ASAP1: variants seen among roughly 807,000 people sequenced by gnomAD.
ASAP1 encodes ArfGAP with SH3 domain, ankyrin repeat and PH domain 1, also known as arf-GAP with SH3 domain, ANK repeat and PH domain-containing protein 1.
Under a neutral mutation model 145.2 loss-of-function variants are expected in ASAP1, and 43 were observed. The ratio of observed to expected loss-of-function variants is 0.30; its 90% CI spans 0.23 to 0.38. The LOEUF (loss-of-function observed/expected upper bound fraction) is 0.38, where lower values mean the gene tolerates loss of function less well. Among genes scored for constraint, ASAP1 ranks in the 10% least tolerant of loss-of-function variants. ASAP1 has a pLI of 1.00. For missense variants in ASAP1, 1,018 were observed against 1,355.3 expected (o/e 0.75, Z 3.91); for synonymous variants, 546 against 515.5 (o/e 1.06, Z -0.80).
intron 4 of ASAP1, among the ~76,000 whole-genome samples, chr8:130,228,943 G>C (rs958188443): frequency 6.6e-6 from 1 of 152,036 alleles, no homozygotes; most frequent in African/African-American, 2.4e-5. Context: ...AGTCCCCCCA[G>C]CACCCATACA....
At chr8:130,160,034 A>T in intron 11 of ASAP1, 70 bp from the exon 12 acceptor site, 4 of 1,362,410 alleles carry the variant, frequency 2.9e-6, no homozygotes, top group Non-Finnish European at 3.1e-6. Context: ...CTATTCTGCC[A>T]TTGAGCCTTT....
chr8:130,053,301 G>GAC lies in ASAP1; in HGVS notation c.*1428_*1429dup, dbSNP rs1402268450. On this transcript the variant is annotated 3_prime_UTR_variant, in exon 30 of 30. Coordinates refer to ENST00000518721, the MANE Select transcript of ASAP1 (RefSeq NM_018482.4). ...ATTTAAGCAAATGTAGTGCCAGAAT[G>GAC]ACACATGAGCCTCGGACTCAGGGAA... The GAC allele has an allele frequency of 2.0e-5, 3 of 152,246 alleles. No homozygotes were observed. The highest frequency in any genetic ancestry group is 2.9e-5 in the Non-Finnish European group (2 of 68,050). The allele number at this position is 152,246 out of a possible 1,614,324, so 9.4% of individuals were successfully genotyped here. A position where few individuals can be genotyped will look rare whatever the true frequency, so the allele number is the denominator to read the frequency against.
chr8:130,062,006 C>T (rs2097420595), intron 27 of ASAP1, among the ~76,000 whole-genome samples: 1 of 152,224 alleles, frequency 6.6e-6, no homozygotes, highest in Admixed American at 6.5e-5. Context: ...TAAAACCCTA[C>T]TTCAAAGGGT....
chr8:130,383,089 CCT>C (rs772332696), intron 2 of ASAP1, among the ~76,000 whole-genome samples: 12 of 152,092 alleles, frequency 7.9e-5, no homozygotes, highest in Non-Finnish European at 1.5e-4. Context: ...CCTGGTTTCC[CCT>C]CTCTCAAAAC....
intron 27 of ASAP1, among the ~76,000 whole-genome samples, chr8:130,063,689 C>T (rs747547539): frequency 1.3e-5 from 2 of 152,170 alleles, no homozygotes; most frequent in Non-Finnish European, 2.9e-5. Flanking sequence ...CGAGGGAGGC[C>T]GTGGAGCCTC....
chr8:130,188,739 A>AAAAAAAAAAAAAAAAAAAG (rs1554842792), intron 5 of ASAP1, among the ~76,000 whole-genome samples: 2 of 150,546 alleles, frequency 1.3e-5, no homozygotes, highest in African/African-American at 2.4e-5. Context: ...AAAAAAAAAA[A>AAAAAAAAAAAAAAAAAAAG]AAAAAAGAAA....
At chr8:130,256,055 T>C (rs1819495268) in intron 3 of ASAP1, among the ~76,000 whole-genome samples, 2 of 152,094 alleles carry the variant, frequency 1.3e-5, no homozygotes, top group South Asian at 4.1e-4. Context: ...AGTGAGAGAA[T>C]GTTCACAGAC....
chr8:130,405,796 C>T (rs1449228526), intron 1 of ASAP1, among the ~76,000 whole-genome samples: 1 of 152,170 alleles, frequency 6.6e-6, no homozygotes, highest in African/African-American at 2.4e-5. Context: ...ACTTGGAGAC[C>T]CATCTGATGC....
At chr8:130,131,265 C>T (rs1238937778) in intron 15 of ASAP1, among the ~76,000 whole-genome samples, 3 of 152,186 alleles carry the variant, frequency 2.0e-5, no homozygotes, top group Non-Finnish European at 4.4e-5. Context: ...TGTGAACTTT[C>T]CTCAGTGAGA....
At chr8:130,439,186 A>C (rs1830412665) in intron 1 of ASAP1, among the ~76,000 whole-genome samples, 1 of 152,182 alleles carries the variant, frequency 6.6e-6, no homozygotes, top group South Asian at 2.1e-4. Context: ...TGGAGGTGGA[A>C]GAAGGAAACC....
At chr8:130,283,082 G>T (rs1322727672) in intron 3 of ASAP1, among the ~76,000 whole-genome samples, 1 of 152,190 alleles carries the variant, frequency 6.6e-6, no homozygotes, top group Non-Finnish European at 1.5e-5. Flanking sequence ...AGGCAAATTT[G>T]GTGGAGCAAA....
intron 3 of ASAP1, among the ~76,000 whole-genome samples, chr8:130,255,510 T>C (rs1488053315): frequency 1.3e-5 from 2 of 152,214 alleles, no homozygotes; most frequent in African/African-American, 4.8e-5. Flanking sequence ...TAGCATTGTA[T>C]CACTCTGATA....
intron 25 of ASAP1, among the ~76,000 whole-genome samples, chr8:130,089,625 A>G (rs1405647454): frequency 1.3e-5 from 2 of 152,194 alleles, no homozygotes; most frequent in Admixed American, 1.3e-4. Context: ...ATACAATGTC[A>G]GCAGGAGGCG....
intron 4 of ASAP1, among the ~76,000 whole-genome samples, chr8:130,223,176 G>A (rs1817395261): frequency 6.6e-6 from 1 of 152,142 alleles, no homozygotes; most frequent in South Asian, 2.1e-4. Flanking sequence ...AAGGCCTTGA[G>A]AACACTCTCA....
intron 13 of ASAP1, among the ~76,000 whole-genome samples, chr8:130,140,260 T>G (rs1388453121): frequency 6.6e-6 from 1 of 151,908 alleles, no homozygotes; most frequent in Non-Finnish European, 1.5e-5. Context: ...AGGCTGCTCT[T>G]AAACTCCTGA....
intron 3 of ASAP1, among the ~76,000 whole-genome samples, chr8:130,355,676 G>T (rs1387341318): frequency 6.6e-6 from 1 of 152,060 alleles, no homozygotes; most frequent in Non-Finnish European, 1.5e-5. Context: ...GAACTGAATT[G>T]TGACCCACCT....
intron 3 of ASAP1, among the ~76,000 whole-genome samples, chr8:130,287,831 CT>C (rs1821710983): frequency 6.6e-6 from 1 of 152,172 alleles, no homozygotes; most frequent in South Asian, 2.1e-4. Flanking sequence ...CTCTATACCC[CT>C]AGCCCTTCCC....
intron 24 of ASAP1, among the ~76,000 whole-genome samples, chr8:130,097,659 C>T (rs7832716): frequency 0.016 from 2,479 of 152,330 alleles, 70 homozygotes; most frequent in African/African-American, 0.056. Context: ...AGTGACTATG[C>T]TCACCCTGGC....
intron 19 of ASAP1, 60 bp downstream of exon 19, chr8:130,118,429 T>C (rs1264905630): frequency 3.3e-6 from 5 of 1,520,144 alleles, no homozygotes; most frequent in Non-Finnish European, 3.6e-6. Flanking sequence ...TTAAAATAAG[T>C]CACCTTTTAA....
Sources: allele counts gnomAD v4.1 joint callset (sites outside exome capture counted in the v4.1 genomes callset), GRCh38; gene constraint gnomAD v4.1.1; transcripts MANE v1.5; gene names NCBI Gene and HGNC (gene_info 2026-07-23, HGNC 2026-07-21).